KATNBL1: variants seen among roughly 807,000 people sequenced by gnomAD.
KATNBL1 encodes the protein KATNB1-like protein 1.
A neutral mutation model predicts 44.7 loss-of-function variants in KATNBL1; 28 were observed. The ratio of observed to expected loss-of-function variants is 0.63; its 90% confidence interval spans 0.46 to 0.86. The LOEUF (loss-of-function observed/expected upper bound fraction) is 0.86, where lower values mean the gene tolerates loss of function less well. Ranked by LOEUF, KATNBL1 falls within the 40% of genes least tolerant of loss-of-function variation. KATNBL1 has a pLI of 0.00. For synonymous variants in KATNBL1, 78 were observed against 114.9 expected (o/e 0.68, Z 2.06); for missense variants, 272 against 350.7 (o/e 0.78, Z 1.79).
chr15:34,160,205 C>A (rs544654225), intron 2 of KATNBL1, among the ~76,000 whole-genome samples: 16 of 152,264 alleles, frequency 1.1e-4, no homozygotes, highest in Admixed American at 9.8e-4. Context: ...AGCCTCCTGG[C>A]TTTACTCTTT....
At chr15:34,163,925 C>A (rs1291853660) in intron 1 of KATNBL1, among the ~76,000 whole-genome samples, 1 of 149,274 alleles carries the variant, frequency 6.7e-6, no homozygotes, top group African/African-American at 2.5e-5. Flanking sequence ...TGGAGTTTTG[C>A]TCTGTTGCCC....
intron 2 of KATNBL1, among the ~76,000 whole-genome samples, chr15:34,162,688 T>C (rs572049999): frequency 3.9e-5 from 6 of 152,128 alleles, no homozygotes; most frequent in African/African-American, 1.4e-4. Flanking sequence ...CAGCTCACTG[T>C]AGCCTTAACG....
chr15:34,202,965 T>C (rs977528460), intron 1 of KATNBL1, among the ~76,000 whole-genome samples: 2 of 152,106 alleles, frequency 1.3e-5, no homozygotes, highest in Non-Finnish European at 2.9e-5. Context: ...CACTCCAGCC[T>C]GGGCGACAGC....
At chr15:34,178,227 C>A (rs534128377) in intron 1 of KATNBL1, among the ~76,000 whole-genome samples, 6 of 152,214 alleles carry the variant, frequency 3.9e-5, no homozygotes, top group African/African-American at 1.2e-4. Flanking sequence ...CTTTAAACAG[C>A]GTATTGAAGC....
At chr15:34,205,129 G>T (rs1328104007) in intron 1 of KATNBL1, among the ~76,000 whole-genome samples, 2 of 151,994 alleles carry the variant, frequency 1.3e-5, no homozygotes, top group African/African-American at 4.8e-5. Context: ...GAGTAGCTGG[G>T]GCTACAGGTG....
chr15:34,170,763 G>C (rs1410870217), intron 1 of KATNBL1, among the ~76,000 whole-genome samples: 2 of 152,154 alleles, frequency 1.3e-5, no homozygotes, highest in African/African-American at 2.4e-5. Flanking sequence ...GAACAGAACA[G>C]AGACCTCAGA....
intron 1 of KATNBL1, 96 bp from the exon 2 acceptor site, chr15:34,163,786 T>TA (rs375335442): frequency 3.1e-6 from 2 of 634,966 alleles, no homozygotes; most frequent in Admixed American, 6.6e-5. Context: ...CAATGCTATA[T>TA]AAAAAAGGCA....
chr15:34,158,140 C>T (rs1206090475), intron 2 of KATNBL1, among the ~76,000 whole-genome samples: 5 of 152,286 alleles, frequency 3.3e-5, no homozygotes, highest in Admixed American at 2.0e-4. Flanking sequence ...ATCCTAAATA[C>T]TAGGCAACTA....
chr15:34,201,456 T>C (rs2141003260), intron 1 of KATNBL1, among the ~76,000 whole-genome samples: 1 of 152,314 alleles, frequency 6.6e-6, no homozygotes, highest in South Asian at 2.1e-4. Flanking sequence ...GGGAGAAGAC[T>C]TTTCCCTTTT....
At chr15:34,195,887 C>T (rs1281622485) in intron 1 of KATNBL1, among the ~76,000 whole-genome samples, 1 of 151,910 alleles carries the variant, frequency 6.6e-6, no homozygotes, top group African/African-American at 2.4e-5. Context: ...ATTTAGGGTC[C>T]TAAAAGTAAC....
At chr15:34,205,445 G>T (rs1324281642) in intron 1 of KATNBL1, among the ~76,000 whole-genome samples, 1 of 152,164 alleles carries the variant, frequency 6.6e-6, no homozygotes, top group Non-Finnish European at 1.5e-5. Context: ...ATAGGTTTTT[G>T]AAAGTAAGAG....
intron 1 of KATNBL1, among the ~76,000 whole-genome samples, chr15:34,175,522 G>T (rs7173244): frequency 0.33 from 49,798 of 151,998 alleles, 8,568 homozygotes; most frequent in African/African-American, 0.45. Flanking sequence ...TATTTCTTCA[G>T]AGGCTAAAAC....
At chr15:34,145,291 AG>A in intron 9 of KATNBL1, 106 bp downstream of exon 9, 1 of 1,391,284 alleles carries the variant, frequency 7.2e-7, no homozygotes, top group South Asian at 1.4e-5. Flanking sequence ...TTTAGACATT[AG>A]AACAGTACCA....
At chr15:34,154,057 C>A (rs939999582) in intron 3 of KATNBL1, among the ~76,000 whole-genome samples, 2 of 152,084 alleles carry the variant, frequency 1.3e-5, no homozygotes, top group African/African-American at 2.4e-5. Flanking sequence ...TTTTATATAT[C>A]TCTAATATCT....
At chr15:34,154,947 A>AT (rs1888594970) in intron 2 of KATNBL1, 3 of 438,360 alleles carry the variant, frequency 6.8e-6, no homozygotes, top group Non-Finnish European at 1.3e-5. Context: ...CTGATAGGCT[A>AT]TCTGGGTATG....
At chr15:34,165,370 T>G (rs1242508372) in intron 1 of KATNBL1, among the ~76,000 whole-genome samples, 1 of 152,184 alleles carries the variant, frequency 6.6e-6, no homozygotes, top group Non-Finnish European at 1.5e-5. Flanking sequence ...ATTGAACACA[T>G]GCAATTACCT....
At chr15:34,154,837 G>A (rs1170221900) in intron 2 of KATNBL1, 153 bp from the exon 3 acceptor site, 3 of 621,118 alleles carry the variant, frequency 4.8e-6, no homozygotes, top group Non-Finnish European at 8.6e-6. Flanking sequence ...AGCATACCGG[G>A]CATGGGAGGA....
intron 1 of KATNBL1, among the ~76,000 whole-genome samples, chr15:34,195,915 T>C (rs1338201369): frequency 6.6e-6 from 1 of 152,146 alleles, no homozygotes; most frequent in African/African-American, 2.4e-5. Flanking sequence ...TTTATGAACA[T>C]TTGATTTATA....
chr15:34,182,239 T>C (rs1444449150), intron 1 of KATNBL1, among the ~76,000 whole-genome samples: 1 of 152,150 alleles, frequency 6.6e-6, no homozygotes, highest in African/African-American at 2.4e-5. Context: ...TTCTAGCTCA[T>C]GATTTTTGGC....
Sources: allele counts gnomAD v4.1 joint callset (sites outside exome capture counted in the v4.1 genomes callset), GRCh38; gene constraint gnomAD v4.1.1; transcripts MANE v1.5; gene names NCBI Gene and HGNC (gene_info 2026-07-23, HGNC 2026-07-21).